The following ZNF597 variants were observed in gnomAD, a reference collection of about 807,000 sequenced individuals.
The protein encoded by ZNF597 is zinc finger protein 597.
Under a neutral mutation model 7.3 loss-of-function variants are expected in ZNF597, and 5 were observed. The observed-to-expected ratio is 0.68, with a 90% CI of 0.36 to 1.44. The LOEUF (loss-of-function observed/expected upper bound fraction) is 1.44, where lower values mean the gene tolerates loss of function less well. Among genes scored for constraint, ZNF597 ranks in the 40% most tolerant of loss-of-function variants. ZNF597 has a pLI of 0.04. For missense variants in ZNF597, 585 were observed against 517.9 expected (o/e 1.13, Z -1.26); for synonymous variants, 209 against 185.4 (o/e 1.13, Z -1.04).
rs527927842 is a variant in ZNF597, at chr16:3,436,498, C to T, written c.1201G>A (p.Val401Met). ...TTCGACTTGAAAGTTTTCCCACACACGGTACATTTAAAAGGTTCCGCTAGC... is the reference window on the plus strand; with the variant it reads ...TTCGACTTGAAAGTTTTCCCACACATGGTACATTTAAAAGGTTCCGCTAGC... ...HMLAEPFKCT[V>M]CGKTFKSNLH... is the part of the protein sequence containing the mutation. Residue 401 changes from valine (V) to methionine (M), a missense_variant, in exon 4 of 4, where the codon GTG becomes ATG. By Grantham distance (21) the Val-to-Met change is conservative (BLOSUM62 1). Coordinates refer to ENST00000301744, the MANE Select transcript of ZNF597 (RefSeq NM_152457.3). 2.7e-5 allele frequency: 43 copies of T among 1,614,206 alleles called. No homozygotes were observed. Among genetic ancestry groups the T allele is most frequent in the Admixed American group, 1.8e-4 (11 of 60,016 alleles).
At position 3,437,446 on chromosome 16, in the gene ZNF597, G is replaced by A. The variant is rs1390993035; in HGVS notation, c.253C>T (p.Pro85Ser). Residue 85 changes from proline (P) to serine (S), a missense_variant, in exon 4 of 4, where the codon CCC becomes TCC. Coordinates refer to ENST00000301744, the MANE Select transcript of ZNF597 (RefSeq NM_152457.3). ...LALEKYPIAAPLVPYPEKSSE... is the reference protein window; with the variant it reads ...LALEKYPIAASLVPYPEKSSE... ...GATTTTTCTGGGTAAGGGACAAGGG[G>A]TGCAGCAATGGGGTACTTTTCTAAG... 6.2e-7 allele frequency: 1 copy of A among 1,614,164 alleles called. No homozygotes were observed. Among genetic ancestry groups the A allele is most frequent in the African/African-American group, 1.3e-5 (1 of 75,028 alleles).
At chr16:3,443,307 A>T in intron 1 of ZNF597, 53 bp downstream of exon 1, 1 of 686,644 alleles carries the variant, frequency 1.5e-6, no homozygotes, top group Non-Finnish European at 2.3e-6. Context: ...CCCCTTAAAA[A>T]CCTACGCCGA....
intron 2 of ZNF597, 69 bp from the exon 3 acceptor site, chr16:3,441,002 T>A: frequency 6.4e-7 from 1 of 1,561,458 alleles, no homozygotes; most frequent in Non-Finnish European, 8.6e-7. Flanking sequence ...CTAGGAAGGA[T>A]GAAAAGAGCT....
In ZNF597 at chr16:3,436,306, A is replaced by AT; in HGVS notation, c.*117dup. 1 of 945,526 alleles carries AT rather than the reference A, an allele frequency of 1.1e-6. No homozygotes were observed. Among genetic ancestry groups the AT allele is most frequent in the Non-Finnish European group, 1.5e-6 (1 of 646,106 alleles). The allele number at this position is 945,526 out of a possible 1,614,324, so 58.6% of individuals were successfully genotyped here. A position where few individuals can be genotyped will look rare whatever the true frequency, so the allele number is the denominator to read the frequency against. ...ATCACGGTTGTGCTGAGAATTAAGTATTACATGGGAATGTGTGTAAAGTGC... is the reference window on the plus strand; with the variant it reads ...ATCACGGTTGTGCTGAGAATTAAGTATTTACATGGGAATGTGTGTAAAGTGC... On this transcript the variant is annotated 3_prime_UTR_variant, in exon 4 of 4. Coordinates refer to ENST00000301744, the MANE Select transcript of ZNF597 (RefSeq NM_152457.3).
rs964793275 is a variant in ZNF597, at chr16:3,443,475, C to T, written c.-169G>A. On this transcript the variant is annotated 5_prime_UTR_variant, in exon 1 of 4. Transcript: ENST00000301744. ...ACTGCAAAACTCCCACGCTCTCATGCTCCTTTACGCAGGAGCTGCGGGAAA... is the reference window on the plus strand; with the variant it reads ...ACTGCAAAACTCCCACGCTCTCATGTTCCTTTACGCAGGAGCTGCGGGAAA... The T allele has an allele frequency of 3.9e-6, 2 of 516,568 alleles. No homozygotes were observed. Among genetic ancestry groups the T allele is most frequent in the Admixed American group, 7.5e-5 (2 of 26,700 alleles). The allele number at this position is 516,568 out of a possible 1,614,324, so 32.0% of individuals were successfully genotyped here. A position where few individuals can be genotyped will look rare whatever the true frequency, so the allele number is the denominator to read the frequency against.
rs766224807 is a variant in ZNF597 at position 3,437,546 on chromosome 16, TA to T, written c.161-9del. 5 of 1,576,920 alleles carry T rather than the reference TA, an allele frequency of 3.2e-6. No homozygotes were observed. In the East Asian group the frequency reaches 9.0e-5, roughly 28 times the overall value. On this transcript the variant is annotated splice_polypyrimidine_tract_variant and intron_variant, in intron 3 of 3. Transcript: ENST00000301744. ...CAGGCTTGCCTTCCTCTCCTGTTGA[TA>T]AAAACAAAAGAAAGCAAAACATAGA...
At chr16:3,443,308 C>G in intron 1 of ZNF597, 52 bp downstream of exon 1, 2 of 687,546 alleles carry the variant, frequency 2.9e-6, no homozygotes, top group Non-Finnish European at 4.6e-6. Flanking sequence ...CCCTTAAAAA[C>G]CTACGCCGAC....
chr16:3,441,810 ATAAAT>A (rs1391890187), intron 2 of ZNF597, among the ~76,000 whole-genome samples: 3 of 151,280 alleles, frequency 2.0e-5, no homozygotes, highest in Non-Finnish European at 2.9e-5. Context: ...GTCTCAAAAA[ATAAAT>A]TAAAATAAAA....
rs2270495 is a variant in ZNF597 at position 3,440,933 on chromosome 16, C to T, written c.34G>A (p.Gly12Arg). The part of the protein sequence containing the change: ...ASMPPTPEAQ[G>R]PILFEDLAVY... ...GCCAGATCCTCAAAGAGTATTGGTC[C>T]CTGAAACACAAGAGCCTGTGTCAGC... Residue 12 changes from glycine to arginine, a missense_variant and splice_region_variant, in exon 3 of 4, where the codon GGA becomes AGA. Transcript: ENST00000301744. 10 of 1,612,892 alleles carry T rather than the reference C, an allele frequency of 6.2e-6. No homozygotes were observed. In the East Asian group the frequency reaches 1.6e-4, roughly 25 times the overall value.
At chr16:3,438,493 G>T (rs924097051) in intron 3 of ZNF597, among the ~76,000 whole-genome samples, 17 of 151,764 alleles carry the variant, frequency 1.1e-4, no homozygotes, top group South Asian at 4.2e-4. Flanking sequence ...AACCCAGGAG[G>T]CGGAGCTTGC....
At chr16:3,438,130 G>A (rs2034324151) in intron 3 of ZNF597, among the ~76,000 whole-genome samples, 1 of 151,654 alleles carries the variant, frequency 6.6e-6, no homozygotes, top group Non-Finnish European at 1.5e-5. Context: ...TACTCAGGAG[G>A]CTGAGACAGG....
intron 3 of ZNF597, among the ~76,000 whole-genome samples, chr16:3,438,642 A>G (rs2034331214): frequency 6.6e-6 from 1 of 152,164 alleles, no homozygotes; most frequent in Admixed American, 6.5e-5. Context: ...CATAACAAAG[A>G]AACACACGGG....
chr16:3,437,673 C>G, intron 3 of ZNF597, 135 bp from the exon 4 acceptor site: 1 of 1,379,412 alleles, frequency 7.2e-7, no homozygotes, highest in Non-Finnish European at 9.5e-7. Context: ...ACACTAACCA[C>G]ACAAAATCAG....
rs151243501 is a variant in ZNF597, at chr16:3,436,996, C to T, written c.703G>A (p.Val235Ile). The change falls in exon 4 of 4, where the codon GTA becomes ATA. Residue 235 changes from valine to isoleucine, a missense_variant. Physicochemically the swap from Val to Ile is conservative, Grantham distance 29. Transcript: ENST00000301744. Reference protein sequence around the residue: ...SHLSRHMNSHVKEKPYTCSIC... With the variant: ...SHLSRHMNSHIKEKPYTCSIC... Reference sequence around the variant, plus strand: ...CTACATGTATAGGGCTTCTCCTTTACGTGGCTATTCATGTGTCGGGATAGA... The same window carrying T: ...CTACATGTATAGGGCTTCTCCTTTATGTGGCTATTCATGTGTCGGGATAGA... The T allele has an allele frequency of 2.3e-3, 3,700 of 1,614,154 alleles. 12 individuals carry two copies. The highest frequency in any genetic ancestry group is 3.4e-3 in the South Asian group (308 of 91,082).
At chr16:3,442,538 G>A (rs8044663) in intron 2 of ZNF597, among the ~76,000 whole-genome samples, 1,555 of 152,172 alleles carry the variant, frequency 0.01, 20 homozygotes, top group African/African-American at 0.035. Flanking sequence ...AGCAGGGCGT[G>A]GCGGCAGGCG....
At chr16:3,440,746 C>T in intron 3 of ZNF597, 61 bp downstream of exon 3, 3 of 1,598,806 alleles carry the variant, frequency 1.9e-6, no homozygotes, top group South Asian at 2.3e-5. Context: ...CTGGATAAAG[C>T]ATGAAGTTCT....
rs1250077221 is a variant in ZNF597 at position 3,436,066 on chromosome 16, TCTC to T, written c.*355_*357del. 10 of 205,358 alleles carry T rather than the reference TCTC, an allele frequency of 4.9e-5. No homozygotes were observed. The highest frequency in any genetic ancestry group is 1.4e-4 in the African/African-American group (6 of 42,886). 12.7% of individuals were successfully genotyped at this position (205,358 alleles called of 1,614,324 possible). Reference sequence around the variant, plus strand: ...CAGAACTGGCAAAATATAAATAAATTCTCCTCCTTCTAAAAGTCAGAAACTACG... The same window carrying T: ...CAGAACTGGCAAAATATAAATAAATTCTCCTTCTAAAAGTCAGAAACTACG... On this transcript the variant is annotated 3_prime_UTR_variant, in exon 4 of 4. Coordinates refer to ENST00000301744, the MANE Select transcript of ZNF597 (RefSeq NM_152457.3).
chr16:3,443,270 T>C (rs1453928683), intron 1 of ZNF597, 64 bp from the exon 2 acceptor site: 32 of 1,048,440 alleles, frequency 3.1e-5, no homozygotes, highest in Non-Finnish European at 9.6e-6. Context: ...CCACTACCCC[T>C]AGCCTCCCTC....
rs1425355052 is a variant in ZNF597, at chr16:3,434,192, C to G, written c.*2232G>C. 1 of 152,230 alleles carries G rather than the reference C, an allele frequency of 6.6e-6. No individual in the cohort carries two copies. Among genetic ancestry groups the G allele is most frequent in the East Asian group, 1.9e-4 (1 of 5,204 alleles). 9.4% of individuals were successfully genotyped at this position (152,230 alleles called of 1,614,324 possible). A position where few individuals can be genotyped will look rare whatever the true frequency, so the allele number is the denominator to read the frequency against. ...TCCCCTCTACTTCTTTCTGCAGCAA[C>G]TCTGCTAATCCAGACCTTTCCCAAT... is the stretch of plus-strand genomic sequence containing the variant. On this transcript the variant is annotated 3_prime_UTR_variant, in exon 4 of 4. Transcript: ENST00000301744.
Sources: allele counts gnomAD v4.1 joint callset (sites outside exome capture counted in the v4.1 genomes callset), GRCh38; gene constraint gnomAD v4.1.1; transcripts MANE v1.5; gene names NCBI Gene and HGNC (gene_info 2026-07-23, HGNC 2026-07-21).